The following MYRIP variants were observed in gnomAD, a reference collection of about 807,000 sequenced individuals.
MYRIP encodes rab effector MyRIP.
In MYRIP, 49 loss-of-function variants were observed where a neutral mutation model predicts 98.0. The observed-to-expected ratio is 0.50, with a 90% confidence interval of 0.40 to 0.63. MYRIP has a LOEUF of 0.63. Among genes scored for constraint, MYRIP ranks in the 30% least tolerant of loss-of-function variants. MYRIP has a pLI of 0.00. For missense variants in MYRIP, 1,004 were observed against 1,058.2 expected (o/e 0.95, Z 0.71); for synonymous variants, 404 against 409.5 (o/e 0.99, Z 0.16).
chr3:39,857,341 A>G (rs546178972), intron 1 of MYRIP, among the ~76,000 whole-genome samples: 1 of 152,342 alleles, frequency 6.6e-6, no homozygotes, highest in East Asian at 1.9e-4. Context: ...AAGTTTAGTG[A>G]ATGACAAAAA....
rs1051265083 is a variant in MYRIP, at chr3:40,155,219, C to G, written c.469+4035C>G. Among the ~76,000 whole-genome samples the G allele has an allele frequency of 8.7e-5, 13 of 149,518 alleles. No individual in the cohort carries two copies. The Admixed American group carries it at 8.8e-4, about 10-fold the overall frequency. ...ATGTGTTCTCATTGTTCAATTCCCACCTATGAGTGAGAATATGTGGTGTTT... is the reference window on the plus strand; with the variant it reads ...ATGTGTTCTCATTGTTCAATTCCCAGCTATGAGTGAGAATATGTGGTGTTT... On this transcript the variant is annotated intron_variant, in intron 4 of 16. Transcript: ENST00000302541.
At position 40,187,847 on chromosome 3, in the gene MYRIP, T is replaced by C. The variant is rs533229460; in HGVS notation, c.1028-1979T>C. 1.8e-4 allele frequency among the ~76,000 whole-genome samples: 27 copies of C among 152,148 alleles called. 1 individual carries two copies. Among genetic ancestry groups the C allele is most frequent in the Non-Finnish European group, 3.4e-4 (23 of 68,016 alleles). On this transcript the variant is annotated intron_variant, in intron 9 of 16. Transcript: ENST00000302541. ...AGAGGCCATGATATAAGCAGGGAGA[T>C]GAGAATGTCCTCCAGGAAAAGGCCA...
At chr3:40,064,236 A>G (rs995458445) in intron 3 of MYRIP, among the ~76,000 whole-genome samples, 1 of 151,988 alleles carries the variant, frequency 6.6e-6, no homozygotes, top group Admixed American at 6.6e-5. Context: ...ACAGTAATTT[A>G]CCCAAGGTAA....
chr3:40,054,178 A>G (rs976872747), intron 3 of MYRIP, among the ~76,000 whole-genome samples: 2 of 152,208 alleles, frequency 1.3e-5, no homozygotes, highest in Non-Finnish European at 2.9e-5. Flanking sequence ...GACCTTGCAC[A>G]TGAGGTGCAT....
chr3:40,144,443 G>A (rs971841314), intron 3 of MYRIP, among the ~76,000 whole-genome samples: 5 of 152,146 alleles, frequency 3.3e-5, no homozygotes, highest in African/African-American at 1.2e-4. Context: ...AGGGAGGAGT[G>A]TCCCAAAAGG....
chr3:40,158,144 T>A (rs1316780538), intron 4 of MYRIP, among the ~76,000 whole-genome samples: 1 of 152,176 alleles, frequency 6.6e-6, no homozygotes. Flanking sequence ...GTGCTATAAA[T>A]TTCCCTCTAC....
chr3:39,972,969 G>C (rs1225422816), intron 2 of MYRIP, among the ~76,000 whole-genome samples: 2 of 151,884 alleles, frequency 1.3e-5, no homozygotes, highest in Non-Finnish European at 2.9e-5. Flanking sequence ...AAATGCATGT[G>C]TAGTAAGACT....
chr3:40,162,975 A>C (rs993949490), intron 5 of MYRIP, 165 bp downstream of exon 5: 2 of 585,606 alleles, frequency 3.4e-6, no homozygotes, highest in Admixed American at 3.3e-5. Flanking sequence ...AATTGTATGA[A>C]TCCATCATCA....
chr3:40,224,080 C>T (rs576469312), intron 11 of MYRIP, among the ~76,000 whole-genome samples: 167 of 152,202 alleles, frequency 1.1e-3, no homozygotes, highest in Non-Finnish European at 1.9e-3. Context: ...GTGGCTAGAG[C>T]AATGTGGCCA....
chr3:39,971,069 A>C (rs1406437400), intron 2 of MYRIP, among the ~76,000 whole-genome samples: 1 of 152,064 alleles, frequency 6.6e-6, no homozygotes, highest in African/African-American at 2.4e-5. Flanking sequence ...AAGAACAGTA[A>C]ATTTTTAGAG....
At chr3:39,956,165 G>T (rs1354238173) in intron 2 of MYRIP, among the ~76,000 whole-genome samples, 1 of 152,144 alleles carries the variant, frequency 6.6e-6, no homozygotes, top group East Asian at 1.9e-4. Flanking sequence ...ACTCAGCTCT[G>T]CACCAAGGAG....
intron 3 of MYRIP, among the ~76,000 whole-genome samples, chr3:40,053,713 C>T (rs528868098): frequency 1.3e-5 from 2 of 152,268 alleles, no homozygotes; most frequent in East Asian, 3.9e-4. Context: ...CAGCCTGAGC[C>T]TCTGGGTCCC....
intron 10 of MYRIP, among the ~76,000 whole-genome samples, chr3:40,194,611 C>A (rs1460992358): frequency 6.6e-6 from 1 of 152,004 alleles, no homozygotes; most frequent in African/African-American, 2.4e-5. Context: ...GCAAAGAAGC[C>A]TTTTTAAGTT....
intron 2 of MYRIP, among the ~76,000 whole-genome samples, chr3:39,977,060 G>A (rs1169472560): frequency 9.2e-6 from 1 of 108,448 alleles, no homozygotes; most frequent in African/African-American, 5.7e-5. Context: ...AAATTATTCT[G>A]TGTGTTTTTT....
intron 3 of MYRIP, among the ~76,000 whole-genome samples, chr3:40,105,776 G>A (rs1309230496): frequency 6.6e-6 from 1 of 152,268 alleles, no homozygotes; most frequent in East Asian, 1.9e-4. Flanking sequence ...AGAGAGAAGA[G>A]TGAGGCAGGA....
intron 2 of MYRIP, among the ~76,000 whole-genome samples, chr3:39,901,456 T>C (rs904911481): frequency 6.6e-6 from 1 of 152,050 alleles, no homozygotes; most frequent in Non-Finnish European, 1.5e-5. Flanking sequence ...CCTGAAGAGG[T>C]AGTCTCCTGA....
At chr3:40,187,284 G>A (rs1951064883) in intron 9 of MYRIP, among the ~76,000 whole-genome samples, 1 of 152,188 alleles carries the variant, frequency 6.6e-6, no homozygotes, top group Non-Finnish European at 1.5e-5. Context: ...TGTTGGACAA[G>A]GAAGTAGGCC....
intron 3 of MYRIP, among the ~76,000 whole-genome samples, chr3:40,100,579 A>C (rs1948926380): frequency 6.6e-6 from 1 of 152,246 alleles, no homozygotes; most frequent in African/African-American, 2.4e-5. Context: ...GATAAAACAG[A>C]AACCTGATGT....
At chr3:39,888,635 T>C (rs552435815) in intron 1 of MYRIP, among the ~76,000 whole-genome samples, 1 of 152,174 alleles carries the variant, frequency 6.6e-6, no homozygotes, top group South Asian at 2.1e-4. Context: ...ACTTCATGTC[T>C]AAAACACCAA....
Sources: allele counts gnomAD v4.1 joint callset (sites outside exome capture counted in the v4.1 genomes callset), GRCh38; gene constraint gnomAD v4.1.1; transcripts MANE v1.5; gene names NCBI Gene and HGNC (gene_info 2026-07-23, HGNC 2026-07-21).